Variants in ERCC8 observed in about 807,000 individuals in gnomAD.
ERCC8 encodes the protein DNA excision repair protein ERCC-8.
ERCC8 carries 52 observed loss-of-function variants against 54.9 expected under a neutral mutation model. The observed-to-expected ratio is 0.95, with a 90% CI of 0.76 to 1.19. ERCC8 has a LOEUF of 1.19. ERCC8 is among the 50% of genes most tolerant of loss of function. The pLI is 0.00. For synonymous variants in ERCC8, 146 were observed against 157.2 expected, an observed-to-expected ratio of 0.93 and a Z score of 0.53; for missense variants, 514 against 466.1, an observed-to-expected ratio of 1.10 and a Z score of -0.95.
rs919718309 is a variant in ERCC8, at chr5:60,868,507, T to C, written c.*6108A>G. On this transcript the variant is annotated 3_prime_UTR_variant, in exon 12 of 12. Transcript: ENST00000676185. The stretch of plus-strand genomic sequence containing the variant: ...TTACCCCCTTCCTTTGAAATTTTAA[T>C]TGTCTAATTATTAGGTTGGTGCAAA... Among the ~76,000 whole-genome samples, 7 of 152,298 alleles carry C rather than the reference T, an allele frequency of 4.6e-5. No individual in the cohort carries two copies. The highest frequency in any genetic ancestry group is 1.7e-4 in the African/African-American group (7 of 41,576).
At chr5:60,891,548 A>C (rs1259405932) in intron 9 of ERCC8, among the ~76,000 whole-genome samples, 3 of 151,844 alleles carry the variant, frequency 2.0e-5, no homozygotes, top group Non-Finnish European at 4.4e-5. Context: ...TTATTTTCAA[A>C]AGACTACCCC....
rs1747915264 is a variant in ERCC8, at chr5:60,873,691, A to C, written c.*924T>G. 6.6e-6 allele frequency: 1 copy of C among 152,174 alleles called. No individual in the cohort carries two copies. The highest frequency in any genetic ancestry group is 6.6e-5 in the Admixed American group (1 of 15,246). 9.4% of individuals were successfully genotyped at this position (152,174 alleles called of 1,614,324 possible). On this transcript the variant is annotated 3_prime_UTR_variant, in exon 12 of 12. Coordinates refer to ENST00000676185, the MANE Select transcript of ERCC8 (RefSeq NM_000082.4). ...AACTCCATCTCAGGAAAAAAACAAA[A>C]AAACAAAAAACCCTCAACAACTGTT...
intron 1 of ERCC8, among the ~76,000 whole-genome samples, chr5:60,939,857 T>C (rs929994409): frequency 3.3e-5 from 5 of 152,228 alleles, no homozygotes; most frequent in African/African-American, 4.8e-5. Flanking sequence ...TTTACCTTTA[T>C]GAATGGTAAA....
intron 11 of ERCC8, among the ~76,000 whole-genome samples, chr5:60,880,518 T>C (rs1748178439): frequency 6.6e-6 from 1 of 152,250 alleles, no homozygotes; most frequent in African/African-American, 2.4e-5. Context: ...GATGTAGATT[T>C]GGTCTTTTCA....
intron 2 of ERCC8, among the ~76,000 whole-genome samples, chr5:60,926,635 T>C (rs1463099177): frequency 2.6e-5 from 4 of 152,240 alleles, no homozygotes; most frequent in African/African-American, 9.6e-5. Flanking sequence ...ACTCTAATTG[T>C]GTACATAGAG....
In ERCC8 at chr5:60,893,479, C is replaced by A. The variant is rs546902072; in HGVS notation, c.844-2393G>T. The A allele has an allele frequency of 1.3e-4, 120 of 937,520 alleles. No individual in the cohort carries two copies. In the East Asian group the frequency reaches 2.9e-3, roughly 22 times the overall value. The allele number at this position is 937,520 out of a possible 1,614,324, so 58.1% of individuals were successfully genotyped here. On this transcript the variant is annotated intron_variant, in intron 9 of 11. Coordinates refer to ENST00000676185, the MANE Select transcript of ERCC8 (RefSeq NM_000082.4). ...AGTGAACAAACTGAGGAGCAGAGGGCACTTTGGAGGTTGCTTTCTTCCCAT... is the reference window on the plus strand; with the variant it reads ...AGTGAACAAACTGAGGAGCAGAGGGAACTTTGGAGGTTGCTTTCTTCCCAT...
At chr5:60,896,088 G>A (rs1407629424) in intron 9 of ERCC8, among the ~76,000 whole-genome samples, 1 of 152,116 alleles carries the variant, frequency 6.6e-6, no homozygotes, top group Non-Finnish European at 1.5e-5. Context: ...CCAGGTTCAA[G>A]TGATTCTCCT....
At chr5:60,938,080 TATA>T (rs1561519122) in intron 1 of ERCC8, among the ~76,000 whole-genome samples, 8 of 24,264 alleles carry the variant, frequency 3.3e-4, no homozygotes, top group African/African-American at 8.8e-4. Context: ...TATATATATA[TATA>T]TATTTTATTT....
intron 4 of ERCC8, chr5:60,917,495 G>A (rs1027215490): frequency 6.6e-6 from 1 of 151,978 alleles, no homozygotes; most frequent in Non-Finnish European, 1.5e-5. Flanking sequence ...TTAATTCTGG[G>A]GTAGAACTTA....
intron 11 of ERCC8, among the ~76,000 whole-genome samples, chr5:60,877,068 G>A (rs1748034103): frequency 6.6e-6 from 1 of 152,170 alleles, no homozygotes; most frequent in Non-Finnish European, 1.5e-5. Context: ...AAGGTGTAAG[G>A]AAGGGATCCA....
chr5:60,904,279 T>C (rs1358538839), intron 5 of ERCC8, among the ~76,000 whole-genome samples: 1 of 152,064 alleles, frequency 6.6e-6, no homozygotes, highest in Non-Finnish European at 1.5e-5. Flanking sequence ...GAGACTCACA[T>C]GGTGCCAAAG....
chr5:60,920,057 C>A (rs2112519993), intron 3 of ERCC8, among the ~76,000 whole-genome samples: 1 of 152,028 alleles, frequency 6.6e-6, no homozygotes, highest in African/African-American at 2.4e-5. Context: ...ATTCTCTTTT[C>A]CTAGGAGAGT....
rs1024686453 is a variant in ERCC8 at position 60,936,693 on chromosome 5, T to C, written c.78-7734A>G. ...TTTCATCTTAGCACCACTTTTGCTG[T>C]ATCCCAGAGGTTTTGACAGGTTGTG... On this transcript the variant is annotated intron_variant, in intron 1 of 11. Coordinates refer to ENST00000676185, the MANE Select transcript of ERCC8 (RefSeq NM_000082.4). 2.0e-5 allele frequency among the ~76,000 whole-genome samples: 3 copies of C among 152,340 alleles called. No individual in the cohort carries two copies. The East Asian group carries it at 5.8e-4, about 29-fold the overall frequency.
At chr5:60,915,857 C>A (rs1452416072) in intron 4 of ERCC8, among the ~76,000 whole-genome samples, 1 of 151,952 alleles carries the variant, frequency 6.6e-6, no homozygotes, top group African/African-American at 2.4e-5. Context: ...CCTTAATTCC[C>A]CTTCGTATGT....
rs1747759004 is a variant in ERCC8, at chr5:60,866,847, C to T, written c.*7768G>A. ...AATTTTCTATTCCAGTTTTCTGTCC[C>T]CTTCCTTTTTTTTTTGAGATGGAGT... On this transcript the variant is annotated 3_prime_UTR_variant, in exon 12 of 12. Transcript: ENST00000676185. 1 of 151,984 alleles carries T rather than the reference C, an allele frequency of 6.6e-6. No individual in the cohort carries two copies. The highest frequency in any genetic ancestry group is 6.6e-5 in the Admixed American group (1 of 15,226). 9.4% of individuals were successfully genotyped at this position (151,984 alleles called of 1,614,324 possible).
At chr5:60,929,159 T>C (rs1000764847) in intron 1 of ERCC8, among the ~76,000 whole-genome samples, 200 bp from the exon 2 acceptor site, 6 of 152,186 alleles carry the variant, frequency 3.9e-5, no homozygotes, top group Admixed American at 1.3e-4. Flanking sequence ...ACATGCAAAC[T>C]TTTAAAGGTA....
chr5:60,905,356 G>C (rs1178843152), intron 4 of ERCC8, among the ~76,000 whole-genome samples: 2 of 152,084 alleles, frequency 1.3e-5, no homozygotes, highest in East Asian at 3.9e-4. Flanking sequence ...CAAGAAATCT[G>C]AATAAACTCT....
chr5:60,921,367 A>G (rs1384931554), intron 3 of ERCC8, among the ~76,000 whole-genome samples: 2 of 151,948 alleles, frequency 1.3e-5, no homozygotes, highest in Non-Finnish European at 2.9e-5. Flanking sequence ...TCTCCCTGTT[A>G]ATTCAAAGGT....
intron 6 of ERCC8, 161 bp downstream of exon 6, chr5:60,903,487 A>T: frequency 1.6e-6 from 2 of 1,228,606 alleles, no homozygotes; most frequent in Non-Finnish European, 2.2e-6. Context: ...TCAGTTTTAT[A>T]AGAATAATGC....
Sources: allele counts gnomAD v4.1 joint callset (sites outside exome capture counted in the v4.1 genomes callset), GRCh38; gene constraint gnomAD v4.1.1; transcripts MANE v1.5; gene names NCBI Gene and HGNC (gene_info 2026-07-23, HGNC 2026-07-21).